The following MPRIP variants were observed in gnomAD, a reference collection of about 807,000 sequenced individuals.
The protein encoded by MPRIP is myosin phosphatase Rho-interacting protein.
In MPRIP, 59 loss-of-function variants were observed where a neutral mutation model predicts 234.9. The ratio of observed to expected loss-of-function variants is 0.25; its 90% CI spans 0.20 to 0.31. The LOEUF (loss-of-function observed/expected upper bound fraction) is 0.31, where lower values mean the gene tolerates loss of function less well. Among genes scored for constraint, MPRIP ranks in the 10% least tolerant of loss-of-function variants. The pLI is 1.00. For missense variants in MPRIP, 2,436 were observed against 3,071.0 expected, an observed-to-expected ratio of 0.79 and a Z score of 4.89; for synonymous variants, 1,144 against 1,263.9, an observed-to-expected ratio of 0.91 and a Z score of 2.01.
intron 12 of MPRIP, among the ~76,000 whole-genome samples, chr17:17,153,685 C>G (rs992434817): frequency 2.0e-5 from 3 of 151,856 alleles, no homozygotes; most frequent in Non-Finnish European, 1.5e-5. Context: ...GCTGTTCATA[C>G]CCCTTTTGTT....
chr17:17,154,695 G>A (rs1004142564), intron 13 of MPRIP, among the ~76,000 whole-genome samples: 1 of 152,202 alleles, frequency 6.6e-6, no homozygotes, highest in Non-Finnish European at 1.5e-5. Context: ...TCTTCCATCT[G>A]TGTCAGCAGG....
At position 17,175,344 on chromosome 17, in the gene MPRIP, A is replaced by G. The variant is rs772531499; in HGVS notation, c.6802A>G (p.Thr2268Ala). The G allele has an allele frequency of 2.0e-5, 33 of 1,613,516 alleles. No homozygotes were observed. Among genetic ancestry groups the G allele is most frequent in the Non-Finnish European group, 2.6e-5 (31 of 1,180,016 alleles). The change falls in exon 20 of 24, where the codon ACT becomes GCT. Residue 2268 changes from threonine to alanine, a missense_variant. Physicochemically the swap from Thr to Ala is moderately conservative, Grantham distance 58. Around this residue, in one of 4 missense-constraint regions of MPRIP, gnomAD observed 1,998 missense variants for 2,520.3 expected, o/e 0.79. Coordinates refer to ENST00000651222, the MANE Select transcript of MPRIP (RefSeq NM_001364716.4). ...AEITRLRTLL[T>A]GDGGGEATGS... ...GATCACACGGTTGCGGACGCTGCTG[A>G]CTGGGGACGGCGGTGGGGAGGCCAC...
At chr17:17,046,224 G>A (rs2088346772) in intron 1 of MPRIP, among the ~76,000 whole-genome samples, 1 of 152,194 alleles carries the variant, frequency 6.6e-6, no homozygotes. Flanking sequence ...TGCATATAAA[G>A]ATGCCAGAAC....
intron 1 of MPRIP, among the ~76,000 whole-genome samples, chr17:17,049,924 C>A (rs1348454206): frequency 6.6e-6 from 1 of 152,342 alleles, no homozygotes. Flanking sequence ...TGCAGTGGCT[C>A]ACGCCTGTAA....
chr17:17,158,412 T>G lies in MPRIP; in HGVS notation c.1830-20T>G. On this transcript the variant is annotated intron_variant, in intron 13 of 23. Coordinates refer to ENST00000651222, the MANE Select transcript of MPRIP (RefSeq NM_001364716.4). ...CCAGAGCCGCCCCTGACAGGCTATG[T>G]CCATCCTCCTGCCCCACAGCTCGTT... is the stretch of plus-strand genomic sequence containing the variant. 6.5e-7 allele frequency: 1 copy of G among 1,533,306 alleles called. No homozygotes were observed. The highest frequency in any genetic ancestry group is 8.8e-7 in the Non-Finnish European group (1 of 1,140,914). The allele number at this position is 1,533,306 out of a possible 1,614,324, so 95.0% of individuals were successfully genotyped here. A position where few individuals can be genotyped will look rare whatever the true frequency, so the allele number is the denominator to read the frequency against.
intron 22 of MPRIP, chr17:17,178,317 G>GA (rs779736552): frequency 3.3e-5 from 5 of 152,096 alleles, no homozygotes; most frequent in East Asian, 1.9e-4. Context: ...TATCAAAAAA[G>GA]AAAAAATCAA....
rs2045803313 is a variant in MPRIP at position 17,159,017 on chromosome 17, CCAGATCCCCA to C, written c.2400+17_2400+26del. ...TCGAGAAGGAGGTAATAGCCTGGGACCAGATCCCCACCCTGCTCCCAGCAGCCTTTCCAGA... is the reference window on the plus strand; with the variant it reads ...TCGAGAAGGAGGTAATAGCCTGGGACCCCTGCTCCCAGCAGCCTTTCCAGA... On this transcript the variant is annotated intron_variant, in intron 14 of 23. Transcript: ENST00000651222. 6.3e-7 allele frequency: 1 copy of C among 1,599,540 alleles called. No homozygotes were observed.
chr17:17,129,037 C>G lies in MPRIP; in HGVS notation c.419+2184C>G, dbSNP rs537532552. On this transcript the variant is annotated intron_variant, in intron 4 of 23. Transcript: ENST00000651222. ...GGAGCTGGGTGGGTTGGGGACAGTCCCACCCAGTCTTCTTCCCAGGTCTTC... is the reference window on the plus strand; with the variant it reads ...GGAGCTGGGTGGGTTGGGGACAGTCGCACCCAGTCTTCTTCCCAGGTCTTC... Among the ~76,000 whole-genome samples, 14 of 152,300 alleles carry G rather than the reference C, an allele frequency of 9.2e-5. No homozygotes were observed. In the South Asian group the frequency reaches 2.9e-3, roughly 32 times the overall value.
intron 15 of MPRIP, among the ~76,000 whole-genome samples, chr17:17,162,935 C>A (rs938616727): frequency 6.6e-6 from 1 of 152,228 alleles, no homozygotes; most frequent in Non-Finnish European, 1.5e-5. Flanking sequence ...ACATTGCTAA[C>A]CTAGGAACCT....
At chr17:17,075,655 T>C (rs2144039175) in intron 1 of MPRIP, 55 bp from the exon 2 acceptor site, 3 of 1,481,448 alleles carry the variant, frequency 2.0e-6, no homozygotes, top group Non-Finnish European at 2.8e-6. Flanking sequence ...ACTTGACCTG[T>C]TCTCTCTTCT....
At chr17:17,094,995 C>CT (rs2089807469) in intron 3 of MPRIP, among the ~76,000 whole-genome samples, 1 of 152,112 alleles carries the variant, frequency 6.6e-6, no homozygotes, top group Non-Finnish European at 1.5e-5. Context: ...ACTCGATTCT[C>CT]TAAGTTTATT....
Position 17,147,469 on chromosome 17 carries a change from C to T in MPRIP, c.1629+82C>T, listed in dbSNP as rs1039814268. On this transcript the variant is annotated intron_variant, in intron 11 of 23. Coordinates refer to ENST00000651222, the MANE Select transcript of MPRIP (RefSeq NM_001364716.4). The stretch of plus-strand genomic sequence containing the variant: ...TCTGGGGCTAGTAGATCTGCTTCCC[C>T]CTGGGCTAATGTCCCCACTTCTGAG... The T allele has an allele frequency of 5.2e-6, 7 of 1,347,300 alleles. No individual in the cohort carries two copies. The African/African-American group carries it at 5.8e-5, about 11-fold the overall frequency. The allele number at this position is 1,347,300 out of a possible 1,614,324, so 83.5% of individuals were successfully genotyped here. A position where few individuals can be genotyped will look rare whatever the true frequency, so the allele number is the denominator to read the frequency against.
At chr17:17,059,106 C>T (rs1284499769) in intron 1 of MPRIP, among the ~76,000 whole-genome samples, 3 of 152,288 alleles carry the variant, frequency 2.0e-5, no homozygotes, top group South Asian at 2.1e-4. Context: ...TAACAATAAG[C>T]CTATTATGTA....
In MPRIP at chr17:17,106,776, C is replaced by T. The variant is rs148742504; in HGVS notation, c.268-19926C>T. ...AACTGACCAACTACATTTTCCCAAC[C>T]TTGGAAGGACAAGGTAGGAGTGGCA... On this transcript the variant is annotated intron_variant, in intron 3 of 23. Transcript: ENST00000651222. Among the ~76,000 whole-genome samples, 16 of 152,322 alleles carry T rather than the reference C, an allele frequency of 1.1e-4. No homozygotes were observed. The East Asian group carries it at 3.1e-3, about 29-fold the overall frequency.
At chr17:17,160,113 A>G (rs2045829754) in intron 14 of MPRIP, among the ~76,000 whole-genome samples, 1 of 152,076 alleles carries the variant, frequency 6.6e-6, no homozygotes, top group Non-Finnish European at 1.5e-5. Context: ...TCACGCCTGT[A>G]ATCCCGGTAC....
chr17:17,169,008 C>T (rs1017913824), intron 16 of MPRIP: 27 of 456,782 alleles, frequency 5.9e-5, no homozygotes, highest in Admixed American at 4.0e-4. Flanking sequence ...CTCTGTGTGA[C>T]GGACTCGGCC....
At chr17:17,112,131 C>T (rs1024849294) in intron 3 of MPRIP, among the ~76,000 whole-genome samples, 6 of 152,166 alleles carry the variant, frequency 3.9e-5, no homozygotes, top group African/African-American at 1.4e-4. Flanking sequence ...TATGCGATGG[C>T]AGTGATACAC....
At chr17:17,127,115 C>G (rs2144393789) in intron 4 of MPRIP, among the ~76,000 whole-genome samples, 1 of 152,322 alleles carries the variant, frequency 6.6e-6, no homozygotes, top group South Asian at 2.1e-4. Flanking sequence ...TTGCACTCAC[C>G]ACACCCCCAA....
chr17:17,192,438 G>GGGC lies in MPRIP; in HGVS notation c.*7546_*7547insCGG, dbSNP rs2046612158. Reference sequence around the variant, plus strand: ...TGCTGCTTTTTTTTTGGGGGGGGGGGGGGGAGGGGCGTCTTGAGGCTTTTT... The same window carrying GGGC: ...TGCTGCTTTTTTTTTGGGGGGGGGGGGGCGGGGAGGGGCGTCTTGAGGCTTTTT... On this transcript the variant is annotated 3_prime_UTR_variant, in exon 24 of 24. Coordinates refer to ENST00000651222, the MANE Select transcript of MPRIP (RefSeq NM_001364716.4). The GGGC allele has an allele frequency of 1.7e-5, 2 of 120,490 alleles. No individual in the cohort carries two copies. Among genetic ancestry groups the GGGC allele is most frequent in the Non-Finnish European group, 3.5e-5 (2 of 57,158 alleles). The allele number at this position is 120,490 out of a possible 1,614,324, so 7.5% of individuals were successfully genotyped here.
Sources: gnomAD v4.1 joint callset for allele counts (sites outside exome capture counted in the v4.1 genomes callset) on GRCh38, gnomAD v4.1.1 for gene constraint, gnomAD v4.1.1 regional missense constraint, MANE v1.5 for transcripts, NCBI Gene and HGNC (gene_info 2026-07-23, HGNC 2026-07-21) for gene names.